RUSF1: variants seen among roughly 807,000 people sequenced by gnomAD.
RUSF1 encodes the protein RUS1 family protein C16orf58.
A neutral mutation model predicts 63.0 loss-of-function variants in RUSF1; 58 were observed. The observed-to-expected ratio is 0.92, with a 90% CI of 0.75 to 1.15. The LOEUF (loss-of-function observed/expected upper bound fraction) is 1.15, where lower values mean the gene tolerates loss of function less well. Ranked by LOEUF, RUSF1 falls within the 50% of genes most tolerant of loss-of-function variation. The pLI, the probability that RUSF1 is intolerant of heterozygous loss-of-function variation, is 0.00. For synonymous variants in RUSF1, 274 were observed against 255.8 expected (o/e 1.07, Z -0.68); for missense variants, 652 against 611.0 (o/e 1.07, Z -0.71).
chr16:31,489,731 T>A lies in RUSF1; in HGVS notation c.*1104A>T. ...TGGGGTGAGGACAGGACAAGAGATC[T>A]GGGTGTGGAAGGATGGCCGGGTTTC... On this transcript the variant is annotated 3_prime_UTR_variant, in exon 13 of 13. Transcript: ENST00000327237. 2.2e-6 allele frequency: 1 copy of A among 445,148 alleles called. No homozygotes were observed. Among genetic ancestry groups the A allele is most frequent in the Non-Finnish European group, 4.2e-6 (1 of 239,246 alleles). The allele number at this position is 445,148 out of a possible 1,614,324, so 27.6% of individuals were successfully genotyped here. A position where few individuals can be genotyped will look rare whatever the true frequency, so the allele number is the denominator to read the frequency against.
In RUSF1 at chr16:31,492,188, GGCACTTACCTGCCC is replaced by G. The variant is rs1567394458; in HGVS notation, c.1226_1231+8del. 6.2e-7 allele frequency: 1 copy of G among 1,609,970 alleles called. No individual in the cohort carries two copies. The highest frequency in any genetic ancestry group is 1.7e-5 in the Admixed American group (1 of 59,760). Reference sequence around the variant, plus strand: ...GAGGCATCAGCAGTCTAAATCTTGAGGCACTTACCTGCCCGCACCCGGTTCCTCAGCTCCTCCAG... The same window carrying G: ...GAGGCATCAGCAGTCTAAATCTTGAGGCACCCGGTTCCTCAGCTCCTCCAG... On this transcript the variant is annotated splice_donor_variant and splice_donor_5th_base_variant and coding_sequence_variant and intron_variant, in exon 11 of 13. Transcript: ENST00000327237. LOFTEE classifies it high-confidence loss of function.
intron 2 of RUSF1, among the ~76,000 whole-genome samples, chr16:31,505,366 A>G (rs2082653506): frequency 6.6e-6 from 1 of 152,074 alleles, no homozygotes; most frequent in East Asian, 1.9e-4. Flanking sequence ...ATAGTAATCA[A>G]TACTGAGGGA....
At chr16:31,507,529 T>C (rs993282899) in intron 2 of RUSF1, among the ~76,000 whole-genome samples, 2 of 152,136 alleles carry the variant, frequency 1.3e-5, no homozygotes, top group African/African-American at 4.8e-5. Context: ...ATCCAGATGA[T>C]TGAGACTCAG....
intron 2 of RUSF1, among the ~76,000 whole-genome samples, chr16:31,501,904 C>G (rs1479020080): frequency 1.3e-5 from 2 of 152,178 alleles, no homozygotes; most frequent in Non-Finnish European, 2.9e-5. Context: ...TGGAATGCAG[C>G]CATGCCTATT....
At position 31,506,647 on chromosome 16, in the gene RUSF1, G is replaced by A. The variant is rs539078068; in HGVS notation, c.415+1117C>T. ...AAATACAAAAAATTAGCGGGGCAGGGTGGCACATGCCTGTAATCCCAGCTA... is the reference window on the plus strand; with the variant it reads ...AAATACAAAAAATTAGCGGGGCAGGATGGCACATGCCTGTAATCCCAGCTA... On this transcript the variant is annotated intron_variant, in intron 2 of 12. Coordinates refer to ENST00000327237, the MANE Select transcript of RUSF1 (RefSeq NM_022744.4). 6.6e-4 allele frequency among the ~76,000 whole-genome samples: 101 copies of A among 152,354 alleles called. 2 individuals carry two copies. Among genetic ancestry groups the A allele is most frequent in the Non-Finnish European group, 1.3e-3 (91 of 68,036 alleles).
chr16:31,496,631 G>A lies in RUSF1; in HGVS notation c.702+218C>T, dbSNP rs528677063. On this transcript the variant is annotated intron_variant, in intron 6 of 12. Transcript: ENST00000327237. ...TGGGGTCTGAAGAGGGCAAGGCTGA[G>A]GGCTTGCTCTCAGCCACACAGGTGG... Among the ~76,000 whole-genome samples, 212 of 152,272 alleles carry A rather than the reference G, an allele frequency of 1.4e-3. 2 individuals carry two copies. Among genetic ancestry groups the A allele is most frequent in the Non-Finnish European group, 2.6e-3 (177 of 68,034 alleles).
chr16:31,508,289 C>T lies in RUSF1; in HGVS notation c.85G>A (p.Asp29Asn), dbSNP rs2082673376. 2.5e-6 allele frequency: 4 copies of T among 1,575,714 alleles called. No individual in the cohort carries two copies. The highest frequency in any genetic ancestry group is 3.4e-6 in the Non-Finnish European group (4 of 1,162,182). The change falls in exon 1 of 13, where the codon GAC (aspartate) becomes AAC (asparagine). Residue 29 changes from aspartate to asparagine, a missense_variant. By Grantham distance (23) the Asp-to-Asn change is conservative. Coordinates refer to ENST00000327237, the MANE Select transcript of RUSF1 (RefSeq NM_022744.4). ...CCGACCTCCCACTGCAGGCTCCCGT[C>T]CGCGGCGGCGCGGCAGCCCCGTGCC... is the stretch of plus-strand genomic sequence containing the variant. Reference protein sequence around the residue: ...GEARGCRAAADGSLQWEVGGW... With the variant: ...GEARGCRAAANGSLQWEVGGW...
In RUSF1 at chr16:31,499,545, G is replaced by A. The variant is rs1245776071; in HGVS notation, c.462-20C>T. On this transcript the variant is annotated intron_variant, in intron 3 of 12. Coordinates refer to ENST00000327237, the MANE Select transcript of RUSF1 (RefSeq NM_022744.4). ...TTGCTCCTGTTGGGGAGGAGAGGTT[G>A]TTGTAATTTGGACTTAAGGAGAAAC... The A allele has an allele frequency of 6.3e-7, 1 of 1,592,530 alleles. No individual in the cohort carries two copies. Among genetic ancestry groups the A allele is most frequent in the African/African-American group, 1.3e-5 (1 of 74,336 alleles).
chr16:31,505,924 T>C (rs1370381945), intron 2 of RUSF1, among the ~76,000 whole-genome samples: 2 of 152,220 alleles, frequency 1.3e-5, no homozygotes, highest in Non-Finnish European at 2.9e-5. Flanking sequence ...CCTGCCGTTT[T>C]TGTTGCTGCT....
chr16:31,506,375 A>C lies in RUSF1; in HGVS notation c.415+1389T>G, dbSNP rs140761571. Among the ~76,000 whole-genome samples, 935 of 152,300 alleles carry C rather than the reference A, an allele frequency of 6.1e-3. 7 individuals are homozygous for C. Among genetic ancestry groups the C allele is most frequent in the African/African-American group, 0.021 (893 of 41,560 alleles). The stretch of plus-strand genomic sequence containing the variant: ...CAAAAAAAATTCCAAAATCCAAAAC[A>C]CTTCTGGTTGCAAGCATTTTGGATA... On this transcript the variant is annotated intron_variant, in intron 2 of 12. Coordinates refer to ENST00000327237, the MANE Select transcript of RUSF1 (RefSeq NM_022744.4).
chr16:31,493,413 G>A, intron 9 of RUSF1, 54 bp downstream of exon 9: 1 of 1,545,926 alleles, frequency 6.5e-7, no homozygotes, highest in Non-Finnish European at 8.8e-7. Flanking sequence ...TGTAATCGGA[G>A]TGAGGGGAGT....
chr16:31,502,709 C>T (rs1381353527), intron 2 of RUSF1, among the ~76,000 whole-genome samples: 1 of 152,232 alleles, frequency 6.6e-6, no homozygotes, highest in Non-Finnish European at 1.5e-5. Context: ...GATTTACAGG[C>T]CTCCCATCCC....
intron 6 of RUSF1, among the ~76,000 whole-genome samples, chr16:31,496,606 TG>T (rs2082604199): frequency 6.6e-6 from 1 of 152,176 alleles, no homozygotes; most frequent in Admixed American, 6.5e-5. Flanking sequence ...GCTTGCACGG[TG>T]GGGTCTGAAG....
At position 31,508,283 on chromosome 16, in the gene RUSF1, TCCCGTCCGCGGCGGCGCGGCAGC is replaced by T. The variant is rs1407523340; in HGVS notation, c.68_90del (p.Gly23GlufsTer23). On this transcript the variant is annotated frameshift_variant, in exon 1 of 13. Transcript: ENST00000327237. LOFTEE classifies it high-confidence loss of function. ...CAGCCCCCGACCTCCCACTGCAGGCTCCCGTCCGCGGCGGCGCGGCAGCCCCGTGCCTCCCCGGAGCCGAACTG... is the reference window on the plus strand; with the variant it reads ...CAGCCCCCGACCTCCCACTGCAGGCTCCCGTGCCTCCCCGGAGCCGAACTG... 13 of 1,573,332 alleles carry T rather than the reference TCCCGTCCGCGGCGGCGCGGCAGC, an allele frequency of 8.3e-6. No homozygotes were observed. In the Middle Eastern group the frequency reaches 8.4e-4, roughly 101 times the overall value.
In RUSF1 at chr16:31,490,377, G is replaced by T. The variant is rs768964115; in HGVS notation, c.*458C>A. ...CTGGTTTTGTGGAATGAGCAGAGGT[G>T]GGGTGGGCAGTCCTCCGCCCCTTAC... is the stretch of plus-strand genomic sequence containing the variant. On this transcript the variant is annotated 3_prime_UTR_variant, in exon 13 of 13. Coordinates refer to ENST00000327237, the MANE Select transcript of RUSF1 (RefSeq NM_022744.4). 3 of 1,613,286 alleles carry T rather than the reference G, an allele frequency of 1.9e-6. No homozygotes were observed. The highest frequency in any genetic ancestry group is 1.7e-6 in the Non-Finnish European group (2 of 1,179,742).
chr16:31,496,060 G>T (rs1159168574), intron 6 of RUSF1, among the ~76,000 whole-genome samples: 1 of 152,136 alleles, frequency 6.6e-6, no homozygotes, highest in Admixed American at 6.6e-5. Context: ...GGATAAAGTA[G>T]TACCTACCTC....
chr16:31,496,706 C>T (rs1394426039), intron 6 of RUSF1, 143 bp downstream of exon 6: 2 of 723,102 alleles, frequency 2.8e-6, no homozygotes, highest in East Asian at 3.0e-5. Context: ...GAGCCCAAAC[C>T]CCTACTCCTG....
Position 31,499,476 on chromosome 16 carries a change from T to C in RUSF1, c.494+17A>G, listed in dbSNP as rs745840317. 2 of 1,487,562 alleles carry C rather than the reference T, an allele frequency of 1.3e-6. No individual in the cohort carries two copies. Among genetic ancestry groups the C allele is most frequent in the South Asian group, 1.1e-5 (1 of 88,032 alleles). The allele number at this position is 1,487,562 out of a possible 1,614,324, so 92.1% of individuals were successfully genotyped here. On this transcript the variant is annotated intron_variant, in intron 4 of 12. Coordinates refer to ENST00000327237, the MANE Select transcript of RUSF1 (RefSeq NM_022744.4). ...CATAATGGAAGACTCCCCTCCCCCG[T>C]CCCCGCCCCTCCTCACCTCCACTGC...
chr16:31,489,556 A>C lies in RUSF1; in HGVS notation c.*1279T>G, dbSNP rs2082541134. On this transcript the variant is annotated 3_prime_UTR_variant, in exon 13 of 13. Coordinates refer to ENST00000327237, the MANE Select transcript of RUSF1 (RefSeq NM_022744.4). ...TTGATGTTGATGGGTTGGTGATTAA[A>C]GCCTCCCAAAGCCAATCCTTGGCAT... 1 of 604,780 alleles carries C rather than the reference A, an allele frequency of 1.7e-6. No individual in the cohort carries two copies. Among genetic ancestry groups the C allele is most frequent in the African/African-American group, 1.8e-5 (1 of 54,152 alleles). The allele number at this position is 604,780 out of a possible 1,614,324, so 37.5% of individuals were successfully genotyped here. A position where few individuals can be genotyped will look rare whatever the true frequency, so the allele number is the denominator to read the frequency against.
Sources: allele counts gnomAD v4.1 joint callset (sites outside exome capture counted in the v4.1 genomes callset), GRCh38; gene constraint gnomAD v4.1.1; transcripts MANE v1.5; gene names NCBI Gene and HGNC (gene_info 2026-07-23, HGNC 2026-07-21).